STXBP4: variants seen among roughly 807,000 people sequenced by gnomAD.
The protein encoded by STXBP4 is syntaxin binding protein 4.
A neutral mutation model predicts 76.1 loss-of-function variants in STXBP4; 55 were observed. The observed-to-expected ratio is 0.72, with a 90% CI of 0.58 to 0.91. The LOEUF (loss-of-function observed/expected upper bound fraction) is 0.91. Ranked by LOEUF, STXBP4 falls within the 40% of genes least tolerant of loss-of-function variation. The pLI, the probability that STXBP4 is intolerant of heterozygous loss-of-function variation, is 0.00. For missense variants in STXBP4, 618 were observed against 636.9 expected (o/e 0.97, Z 0.32); for synonymous variants, 201 against 220.2 (o/e 0.91, Z 0.77).
At chr17:55,131,274 G>T (rs1393281012) in intron 16 of STXBP4, among the ~76,000 whole-genome samples, 1 of 152,158 alleles carries the variant, frequency 6.6e-6, no homozygotes, top group African/African-American at 2.4e-5. Flanking sequence ...TATTCATGGT[G>T]AATCACTTTT....
In STXBP4 at chr17:55,170,286, A is replaced by G. The variant is rs1429453855; in HGVS notation, c.*10375A>G. 6.6e-6 allele frequency: 1 copy of G among 152,234 alleles called. No individual in the cohort carries two copies. The highest frequency in any genetic ancestry group is 1.5e-5 in the Non-Finnish European group (1 of 68,038). 9.4% of individuals were successfully genotyped at this position (152,234 alleles called of 1,614,324 possible). On this transcript the variant is annotated 3_prime_UTR_variant, in exon 18 of 18. Coordinates refer to ENST00000376352, the MANE Select transcript of STXBP4 (RefSeq NM_178509.6). ...AAACAGGGGAATGTCTAAATAAAAT[A>G]TGGTATCTAACATGATAGAAAATGT...
rs116762392 is a variant in STXBP4, at chr17:55,081,171, C to T, written c.1477C>T (p.Leu493Phe). ...ACTTGTTAAATCTGTTCGTGCCTTA[C>T]TTGATATGGATTGTAAGTTTTCTGC... ...KELVKSVRALLDMDCLPYGWE... is the reference protein window; with the variant it reads ...KELVKSVRALFDMDCLPYGWE... The change falls in exon 16 of 18, where the codon CTT becomes TTT. Residue 493 changes from leucine to phenylalanine, a missense_variant. Transcript: ENST00000376352. 4.6e-5 allele frequency: 68 copies of T among 1,489,850 alleles called. No homozygotes were observed. The East Asian group carries it at 1.7e-3, about 38-fold the overall frequency. 92.3% of individuals were successfully genotyped at this position (1,489,850 alleles called of 1,614,324 possible).
Position 55,152,040 on chromosome 17 carries a change from T to G in STXBP4, c.1548-7757T>G, listed in dbSNP as rs151016858. On this transcript the variant is annotated intron_variant, in intron 17 of 17. Transcript: ENST00000376352. ...CTTATTTTAATAATGATCAATTTATTTATGCATATTTTCAATAATTTAGGA... is the reference window on the plus strand; with the variant it reads ...CTTATTTTAATAATGATCAATTTATGTATGCATATTTTCAATAATTTAGGA... Among the ~76,000 whole-genome samples the G allele has an allele frequency of 2.6e-3, 390 of 152,306 alleles. 1 individual carries two copies. Among genetic ancestry groups the G allele is most frequent in the African/African-American group, 8.6e-3 (357 of 41,564 alleles).
chr17:55,058,790 A>T (rs2078963246), intron 12 of STXBP4, among the ~76,000 whole-genome samples: 1 of 152,162 alleles, frequency 6.6e-6, no homozygotes, highest in African/African-American at 2.4e-5. Flanking sequence ...ATCTCAATCT[A>T]AAAATGGTTT....
intron 10 of STXBP4, among the ~76,000 whole-genome samples, chr17:55,037,655 AT>A (rs2078626387): frequency 6.6e-6 from 1 of 152,064 alleles, no homozygotes; most frequent in South Asian, 2.1e-4. Flanking sequence ...AATTATATTA[AT>A]TTTTTATTAT....
intron 16 of STXBP4, among the ~76,000 whole-genome samples, chr17:55,104,297 T>A (rs2079602598): frequency 6.6e-6 from 1 of 152,152 alleles, no homozygotes; most frequent in Non-Finnish European, 1.5e-5. Flanking sequence ...TGAGATATGA[T>A]CCATCAATAC....
chr17:55,155,594 TA>T (rs1449465834), intron 17 of STXBP4, among the ~76,000 whole-genome samples: 1 of 151,422 alleles, frequency 6.6e-6, no homozygotes, highest in African/African-American at 2.4e-5. Context: ...GATAAAATAG[TA>T]TATGCAAATT....
In STXBP4 at chr17:54,987,760, T is replaced by C. The variant is rs1226498395; in HGVS notation, c.47+1494T>C. On this transcript the variant is annotated intron_variant, in intron 3 of 17. Transcript: ENST00000376352. ...AATTGCTGGATCAGAGGGTCTTTTT[T>C]TGTTAGAGGTTACCAATTTATCTCT... Among the ~76,000 whole-genome samples the C allele has an allele frequency of 2.0e-5, 3 of 152,210 alleles. No individual in the cohort carries two copies. In the East Asian group the frequency reaches 5.8e-4, roughly 29 times the overall value.
chr17:55,116,131 A>G (rs2079777668), intron 16 of STXBP4, among the ~76,000 whole-genome samples: 2 of 151,840 alleles, frequency 1.3e-5, no homozygotes, highest in African/African-American at 4.8e-5. Context: ...TGAAACATAC[A>G]CATTTATAAA....
intron 16 of STXBP4, among the ~76,000 whole-genome samples, chr17:55,083,784 T>C (rs1023413161): frequency 2.0e-5 from 3 of 152,192 alleles, no homozygotes; most frequent in Non-Finnish European, 4.4e-5. Flanking sequence ...GGCTCCAGCA[T>C]AGGTGTTTCA....
rs559456985 is a variant in STXBP4, at chr17:55,120,871, C to G, written c.1490-20439C>G. Among the ~76,000 whole-genome samples, 5 of 152,146 alleles carry G rather than the reference C, an allele frequency of 3.3e-5. 1 individual carries two copies. The highest frequency in any genetic ancestry group is 2.1e-4 in the South Asian group (1 of 4,824). ...ACATTAGCCCTACAAGTTCCATGCC[C>G]TCAGAGTTGCATCAGCTCAAAGGAG... On this transcript the variant is annotated intron_variant, in intron 16 of 17. Coordinates refer to ENST00000376352, the MANE Select transcript of STXBP4 (RefSeq NM_178509.6).
chr17:54,982,325 T>C (rs2077561768), intron 1 of STXBP4, among the ~76,000 whole-genome samples: 1 of 152,168 alleles, frequency 6.6e-6, no homozygotes, highest in Non-Finnish European at 1.5e-5. Flanking sequence ...TCTAATTACA[T>C]GGGATGAAGA....
chr17:55,115,471 T>C (rs2079770096), intron 16 of STXBP4, among the ~76,000 whole-genome samples: 1 of 151,926 alleles, frequency 6.6e-6, no homozygotes, highest in Non-Finnish European at 1.5e-5. Context: ...TGGTTGCATT[T>C]GTGTAACAAC....
In STXBP4 at chr17:55,034,159, C is replaced by T. The variant is rs775222460; in HGVS notation, c.764-9C>T. On this transcript the variant is annotated splice_polypyrimidine_tract_variant and intron_variant, in intron 9 of 17. Transcript: ENST00000376352. The stretch of plus-strand genomic sequence containing the variant: ...TGCCATGTTCTTACTTAAATGTGTT[C>T]CATTTTAGATTTTGTCCAGGTTGCC... 1 of 1,605,910 alleles carries T rather than the reference C, an allele frequency of 6.2e-7. No homozygotes were observed. Among genetic ancestry groups the T allele is most frequent in the Non-Finnish European group, 8.5e-7 (1 of 1,173,632 alleles).
At chr17:55,134,737 G>A (rs964347333) in intron 16 of STXBP4, among the ~76,000 whole-genome samples, 13 of 152,082 alleles carry the variant, frequency 8.5e-5, no homozygotes, top group African/African-American at 2.7e-4. Context: ...ACACTCTCCT[G>A]AGGAAAGCTT....
intron 8 of STXBP4, among the ~76,000 whole-genome samples, chr17:55,016,051 C>T (rs2078202966): frequency 6.6e-6 from 1 of 152,102 alleles, no homozygotes; most frequent in African/African-American, 2.4e-5. Context: ...CTCCAGAATA[C>T]ATCTTAAGGG....
At chr17:55,012,244 C>T (rs539209920) in intron 8 of STXBP4, among the ~76,000 whole-genome samples, 3 of 152,180 alleles carry the variant, frequency 2.0e-5, no homozygotes, top group East Asian at 1.9e-4. Context: ...TTTCCTTCTT[C>T]GGTGGCTAGC....
rs1413976800 is a variant in STXBP4 at position 55,173,617 on chromosome 17, C to T, written c.*13706C>T. The T allele has an allele frequency of 1.3e-5, 2 of 152,202 alleles. No individual in the cohort carries two copies. The highest frequency in any genetic ancestry group is 2.9e-5 in the Non-Finnish European group (2 of 68,042). The allele number at this position is 152,202 out of a possible 1,614,324, so 9.4% of individuals were successfully genotyped here. A position where few individuals can be genotyped will look rare whatever the true frequency, so the allele number is the denominator to read the frequency against. ...TAGGCTTTGGTGATTATGAATAAAG[C>T]TGCTATCAACATCCACGTATTGGTT... is the stretch of plus-strand genomic sequence containing the variant. On this transcript the variant is annotated 3_prime_UTR_variant, in exon 18 of 18. Transcript: ENST00000376352.
chr17:55,005,107 C>T (rs1567714101), intron 7 of STXBP4, among the ~76,000 whole-genome samples: 1 of 152,182 alleles, frequency 6.6e-6, no homozygotes, highest in Non-Finnish European at 1.5e-5. Context: ...TGTAATTTTA[C>T]ATTAAATCTC....
Sources: allele counts gnomAD v4.1 joint callset (sites outside exome capture counted in the v4.1 genomes callset), GRCh38; gene constraint gnomAD v4.1.1; transcripts MANE v1.5; gene names NCBI Gene and HGNC (gene_info 2026-07-23, HGNC 2026-07-21).